SMCO2: variants seen among roughly 807,000 people sequenced by gnomAD.
SMCO2 encodes the protein single-pass membrane protein with coiled-coil domains 2.
SMCO2 carries 25 observed loss-of-function variants against 29.5 expected under a neutral mutation model. The observed-to-expected ratio is 0.85, with a 90% CI of 0.62 to 1.18. The LOEUF is 1.18. Ranked by LOEUF, SMCO2 falls within the 50% of genes most tolerant of loss-of-function variation. SMCO2 has a pLI of 0.00. For missense variants in SMCO2, 348 were observed against 344.5 expected, an observed-to-expected ratio of 1.01 and a Z score of -0.08; for synonymous variants, 117 against 123.3, an observed-to-expected ratio of 0.95 and a Z score of 0.34.
chr12:27,489,363 C>G (rs888989138), intron 5 of SMCO2, among the ~76,000 whole-genome samples: 1 of 152,096 alleles, frequency 6.6e-6, no homozygotes, highest in African/African-American at 2.4e-5. Flanking sequence ...GTTCCATTTT[C>G]TTATTAGTAA....
At chr12:27,425,484 C>CA in the SMCO2 span, among the ~76,000 whole-genome samples, 1 of 152,130 alleles carries the variant, frequency 6.6e-6, no homozygotes, top group Non-Finnish European at 1.5e-5. Context: ...GTGCTCACGT[C>CA]AGACTCCAAC....
At chr12:27,456,142 G>C in the SMCO2 span, among the ~76,000 whole-genome samples, 1 of 152,216 alleles carries the variant, frequency 6.6e-6, no homozygotes, top group African/African-American at 2.4e-5. Context: ...TTGAACCCGG[G>C]AGGCAGAGGT....
At chr12:27,448,978 G>A in the SMCO2 span, among the ~76,000 whole-genome samples, 1 of 152,190 alleles carries the variant, frequency 6.6e-6, no homozygotes, top group African/African-American at 2.4e-5. Flanking sequence ...GAAGGCAAGC[G>A]GTGGGAAACT....
At chr12:27,471,516 A>G (rs897295460) in intron 2 of SMCO2, among the ~76,000 whole-genome samples, 3 of 152,126 alleles carry the variant, frequency 2.0e-5, no homozygotes, top group Admixed American at 6.6e-5. Context: ...TCACACATTT[A>G]TTGTGACCCA....
the SMCO2 span, among the ~76,000 whole-genome samples, chr12:27,458,253 A>G: frequency 6.6e-6 from 1 of 152,196 alleles, no homozygotes; most frequent in East Asian, 1.9e-4. Context: ...TAATGAATAA[A>G]TTAAACAGAT....
intron 4 of SMCO2, among the ~76,000 whole-genome samples, chr12:27,481,086 A>C (rs1357471418): frequency 6.6e-6 from 1 of 152,124 alleles, no homozygotes; most frequent in African/African-American, 2.4e-5. Flanking sequence ...GCATGGTGAT[A>C]CTGCAGCTCT....
At chr12:27,444,120 G>C in the SMCO2 span, among the ~76,000 whole-genome samples, 6 of 152,058 alleles carry the variant, frequency 3.9e-5, no homozygotes, top group Non-Finnish European at 1.5e-5. Flanking sequence ...ATGCCAGTAT[G>C]CCAGCATATT....
At chr12:27,458,152 TTTAAC>T in the SMCO2 span, among the ~76,000 whole-genome samples, 3 of 152,188 alleles carry the variant, frequency 2.0e-5, no homozygotes, top group Admixed American at 6.5e-5. Context: ...TTAATCTAAA[TTTAAC>T]TTAAGCGCAT....
chr12:27,459,471 G>A, the SMCO2 span, among the ~76,000 whole-genome samples: 2 of 152,098 alleles, frequency 1.3e-5, no homozygotes, highest in African/African-American at 4.8e-5. Flanking sequence ...AACTACTTCA[G>A]GGTGCAGGAT....
chr12:27,424,797 G>A, the SMCO2 span: 1 of 152,306 alleles, frequency 6.6e-6, no homozygotes, highest in Middle Eastern at 3.4e-3. Context: ...GCTGCTAAGT[G>A]GCCACTAGGT....
At chr12:27,478,250 T>C (rs1214008268) in intron 4 of SMCO2, among the ~76,000 whole-genome samples, 1 of 152,222 alleles carries the variant, frequency 6.6e-6, no homozygotes, top group Non-Finnish European at 1.5e-5. Context: ...TGGCAAACTT[T>C]ACTGGGGACA....
the SMCO2 span, among the ~76,000 whole-genome samples, chr12:27,454,909 C>T: frequency 1.5e-5 from 1 of 68,848 alleles, no homozygotes; most frequent in African/African-American, 4.1e-5. Context: ...ATGAGCTCAT[C>T]CTTTTTTATG....
chr12:27,435,376 G>A, the SMCO2 span, among the ~76,000 whole-genome samples: 4 of 137,786 alleles, frequency 2.9e-5, no homozygotes, highest in Non-Finnish European at 6.1e-5. Context: ...CAAAATCCCC[G>A]CCCCCATAAT....
the SMCO2 span, among the ~76,000 whole-genome samples, chr12:27,449,105 T>C: frequency 2.0e-5 from 3 of 152,314 alleles, no homozygotes; most frequent in East Asian, 5.8e-4. Flanking sequence ...CCTGATTATA[T>C]GCTCCTAAGT....
In SMCO2 at chr12:27,468,686, C is replaced by T. The variant is rs1949517703; in HGVS notation, c.-11+1711C>T. On this transcript the variant is annotated intron_variant, in intron 1 of 7. Coordinates refer to ENST00000298876, the Ensembl canonical transcript of SMCO2. ...TCTATTGGAGAGCCCTGGTCTAGGT[C>T]ATCTTTGGAGGTGGGAGGTGGGGAA... Among the ~76,000 whole-genome samples the T allele has an allele frequency of 2.0e-5, 3 of 152,304 alleles. No individual in the cohort carries two copies. In the South Asian group the frequency reaches 6.2e-4, roughly 32 times the overall value.
intron 4 of SMCO2, among the ~76,000 whole-genome samples, chr12:27,488,017 T>G (rs75856557): frequency 0.012 from 1,869 of 152,244 alleles, 14 homozygotes; most frequent in South Asian, 0.031. Flanking sequence ...AGCAAATATT[T>G]TTCCCCGTGT....
chr12:27,445,448 G>A, the SMCO2 span, among the ~76,000 whole-genome samples: 2 of 152,004 alleles, frequency 1.3e-5, no homozygotes, highest in African/African-American at 4.8e-5. Flanking sequence ...ATTTAACTGG[G>A]TGTTCTATAT....
chr12:27,480,708 CCT>C (rs373140136), intron 4 of SMCO2, among the ~76,000 whole-genome samples: 15 of 151,010 alleles, frequency 9.9e-5, no homozygotes, highest in South Asian at 2.1e-4. Context: ...CTCTCCCCCC[CCT>C]CTCTCTCTCT....
chr12:27,500,098 T>C (rs1943058650), intron 7 of SMCO2, among the ~76,000 whole-genome samples: 1 of 150,688 alleles, frequency 6.6e-6, no homozygotes, highest in African/African-American at 2.5e-5. Context: ...GACACATTTT[T>C]TTGGTTCTGT....
Sources: gnomAD v4.1 joint callset for allele counts (sites outside exome capture counted in the v4.1 genomes callset) on GRCh38, gnomAD v4.1.1 for gene constraint, MANE v1.5 for transcripts, NCBI Gene and HGNC (gene_info 2026-07-23, HGNC 2026-07-21) for gene names.